Variants in LRRC7 observed in about 807,000 individuals in gnomAD.
LRRC7 encodes the protein leucine rich repeat containing 7, also known as leucine-rich repeat-containing protein 7.
A neutral mutation model predicts 175.7 loss-of-function variants in LRRC7; 23 were observed. The observed-to-expected ratio is 0.13, with a 90% CI of 0.09 to 0.19. The LOEUF (loss-of-function observed/expected upper bound fraction) is 0.19, where lower values mean the gene tolerates loss of function less well. Among genes scored for constraint, LRRC7 ranks in the 10% least tolerant of loss-of-function variants. The pLI is 1.00. For missense variants in LRRC7, 1,354 were observed against 1,904.7 expected (o/e 0.71, Z 5.38); for synonymous variants, 685 against 680.9 (o/e 1.01, Z -0.09).
chr1:69,939,376 C>T (rs1648462396), intron 8 of LRRC7, among the ~76,000 whole-genome samples: 1 of 151,930 alleles, frequency 6.6e-6, no homozygotes, highest in Admixed American at 6.6e-5. Context: ...GGAAAAACTA[C>T]ACACTGGAAA....
chr1:69,838,204 A>C, intron 6 of LRRC7, 23 bp from the exon 7 acceptor site: 1 of 1,592,808 alleles, frequency 6.3e-7, no homozygotes, highest in East Asian at 2.2e-5. Flanking sequence ...CTAAGAGGAA[A>C]TTTTTAAAAT....
intron 8 of LRRC7, among the ~76,000 whole-genome samples, chr1:69,973,348 G>T (rs1652465235): frequency 6.6e-6 from 1 of 151,752 alleles, no homozygotes; most frequent in Admixed American, 6.6e-5. Flanking sequence ...ATACTGCTTG[G>T]GTGATGGGTG....
At chr1:70,057,969 G>A (rs1003379687) in intron 23 of LRRC7, among the ~76,000 whole-genome samples, 1 of 151,514 alleles carries the variant, frequency 6.6e-6, no homozygotes, top group African/African-American at 2.4e-5. Context: ...AAAAGTAGGT[G>A]GTAGATTTTA....
chr1:69,907,404 A>T (rs1159132415), intron 7 of LRRC7, among the ~76,000 whole-genome samples: 3 of 152,162 alleles, frequency 2.0e-5, no homozygotes, highest in Admixed American at 1.3e-4. Context: ...GGTTTGTCAT[A>T]GATAGCTCTT....
At chr1:69,834,706 A>C in intron 5 of LRRC7, 74 bp from the exon 6 acceptor site, 3 of 1,070,928 alleles carry the variant, frequency 2.8e-6, no homozygotes, top group Non-Finnish European at 2.9e-6. Context: ...TTTTCTCCTC[A>C]GAGATACATA....
rs572473104 is a variant in LRRC7 at position 69,753,878 on chromosome 1, A to G, written c.101-6313A>G. The stretch of plus-strand genomic sequence containing the variant: ...CAAGAATCACAACCTACCTTGATGA[A>G]CAGAAAGAAGTCATTCTCCCTTTTT... On this transcript the variant is annotated intron_variant, in intron 2 of 26. Transcript: ENST00000651989. Among the ~76,000 whole-genome samples, 9 of 152,200 alleles carry G rather than the reference A, an allele frequency of 5.9e-5. No individual in the cohort carries two copies. In the East Asian group the frequency reaches 9.7e-4, roughly 16 times the overall value.
chr1:69,941,779 G>T (rs1001279967), intron 8 of LRRC7, among the ~76,000 whole-genome samples: 2 of 151,986 alleles, frequency 1.3e-5, no homozygotes, highest in Non-Finnish European at 2.9e-5. Context: ...CATCTATAAT[G>T]CTTCCTTCCC....
intron 1 of LRRC7, among the ~76,000 whole-genome samples, chr1:69,647,595 GT>G (rs1247532363): frequency 1.3e-5 from 2 of 150,686 alleles, no homozygotes; most frequent in Non-Finnish European, 3.0e-5. Flanking sequence ...ATTTTTACTT[GT>G]TTTTTTTCTA....
chr1:69,725,620 C>T (rs1432520674), intron 2 of LRRC7, among the ~76,000 whole-genome samples: 1 of 152,142 alleles, frequency 6.6e-6, no homozygotes, highest in Non-Finnish European at 1.5e-5. Context: ...CTCAAGGTGC[C>T]TAAACGTTTT....
chr1:69,718,903 A>G (rs1385225635), intron 2 of LRRC7, among the ~76,000 whole-genome samples: 1 of 151,876 alleles, frequency 6.6e-6, no homozygotes, highest in Non-Finnish European at 1.5e-5. Context: ...AACAGAGCTA[A>G]TCCAACTTTC....
rs1214320210 is a variant in LRRC7, at chr1:69,706,058, TTGAA to T, written c.100+27583_100+27586del. On this transcript the variant is annotated intron_variant, in intron 2 of 26. Transcript: ENST00000651989. ...TTTTCGTAATTTCTTTGCTGCCTGA[TTGAA>T]TGCTGAATTATTTTCATGCATTTGT... Among the ~76,000 whole-genome samples the T allele has an allele frequency of 1.1e-4, 16 of 152,288 alleles. No individual in the cohort carries two copies. The East Asian group carries it at 2.9e-3, about 28-fold the overall frequency.
intron 7 of LRRC7, among the ~76,000 whole-genome samples, chr1:69,906,531 G>T (rs571307370): frequency 2.0e-4 from 31 of 152,218 alleles, no homozygotes; most frequent in East Asian, 1.2e-3. Flanking sequence ...TTTCCCCATT[G>T]CTTGTTTTTC....
At chr1:69,890,624 A>G (rs1018470508) in intron 7 of LRRC7, among the ~76,000 whole-genome samples, 3 of 152,218 alleles carry the variant, frequency 2.0e-5, no homozygotes, top group African/African-American at 7.2e-5. Flanking sequence ...GATGGCAGGC[A>G]TTGATATTTC....
intron 21 of LRRC7, among the ~76,000 whole-genome samples, chr1:70,040,627 A>G (rs1230544954): frequency 1.3e-5 from 2 of 152,100 alleles, no homozygotes; most frequent in Admixed American, 1.3e-4. Flanking sequence ...CCTGGCCAAC[A>G]TGGTAAAACC....
intron 8 of LRRC7, among the ~76,000 whole-genome samples, chr1:69,959,366 A>T (rs1205855801): frequency 1.6e-4 from 25 of 152,178 alleles, no homozygotes; most frequent in African/African-American, 4.6e-4. Flanking sequence ...GAGACAAGGT[A>T]AATTTAGCCT....
chr1:69,789,928 C>A (rs1674920384), intron 3 of LRRC7, among the ~76,000 whole-genome samples: 1 of 151,992 alleles, frequency 6.6e-6, no homozygotes. Context: ...CAACGTCTTA[C>A]ATTTTCACAA....
intron 1 of LRRC7, among the ~76,000 whole-genome samples, chr1:69,598,979 C>A (rs1569826794): frequency 6.6e-6 from 1 of 152,214 alleles, no homozygotes; most frequent in East Asian, 1.9e-4. Flanking sequence ...CATTTCCTAC[C>A]TGACCTAGCA....
chr1:70,039,800 C>G lies in LRRC7; in HGVS notation c.3969+7C>G. 1 of 1,561,168 alleles carries G rather than the reference C, an allele frequency of 6.4e-7. No homozygotes were observed. Among genetic ancestry groups the G allele is most frequent in the Non-Finnish European group, 8.6e-7 (1 of 1,158,038 alleles). ...AGCTAGACGGTTAGACAGGGTATGT[C>G]TGGTGTTTCTCTGTAAGAATATCCC... On this transcript the variant is annotated splice_region_variant and intron_variant, in intron 21 of 26. Coordinates refer to ENST00000651989, the MANE Select transcript of LRRC7 (RefSeq NM_001370785.2).
intron 8 of LRRC7, among the ~76,000 whole-genome samples, chr1:69,950,928 T>C (rs1254543734): frequency 2.0e-5 from 3 of 151,950 alleles, no homozygotes; most frequent in Non-Finnish European, 2.9e-5. Context: ...TAGGAAAAGA[T>C]GAAACAGTTC....
Sources: gnomAD v4.1 joint callset for allele counts (sites outside exome capture counted in the v4.1 genomes callset) on GRCh38, gnomAD v4.1.1 for gene constraint, MANE v1.5 for transcripts, NCBI Gene and HGNC (gene_info 2026-07-23, HGNC 2026-07-21) for gene names.